ZBTB17: variants seen among roughly 807,000 people sequenced by gnomAD.
The protein encoded by ZBTB17 is zinc finger and BTB domain containing 17, also known as zinc finger and BTB domain-containing protein 17.
In ZBTB17, 24 loss-of-function variants were observed where a neutral mutation model predicts 85.1. The ratio of observed to expected loss-of-function variants is 0.28; its 90% CI spans 0.20 to 0.40. ZBTB17 has a LOEUF of 0.40. Ranked by LOEUF, ZBTB17 falls within the 10% of genes least tolerant of loss-of-function variation. ZBTB17 has a pLI of 1.00. For synonymous variants in ZBTB17, 464 were observed against 460.2 expected (o/e 1.01, Z -0.11); for missense variants, 743 against 1,105.1 (o/e 0.67, Z 4.65).
intron 4 of ZBTB17, among the ~76,000 whole-genome samples, chr1:15,946,679 CAGG>C (rs1455986157): frequency 6.6e-6 from 1 of 152,194 alleles, no homozygotes; most frequent in African/African-American, 2.4e-5. Context: ...AGGAGGGGCT[CAGG>C]AGAACAGACC....
rs995760760 is a variant in ZBTB17, at chr1:15,966,872, C to T, written c.-3+6167G>A. 4.0e-5 allele frequency among the ~76,000 whole-genome samples: 6 copies of T among 151,528 alleles called. No individual in the cohort carries two copies. Among genetic ancestry groups the T allele is most frequent in the Non-Finnish European group, 7.4e-5 (5 of 67,930 alleles). ...GCAGTGAGCTATAATCCCAGCACTG[C>T]ACTCCAACCTGGGCGAAAGAGCGAG... On this transcript the variant is annotated intron_variant, in intron 2 of 15. Transcript: ENST00000375743. This position sits in a 1 kb window ranked among gnomAD's most constrained non-coding sequence, Gnocchi z 4.1.
intron 12 of ZBTB17, 24 bp from the exon 13 acceptor site, chr1:15,943,218 C>T (rs1295761533): frequency 6.8e-6 from 11 of 1,613,940 alleles, no homozygotes; most frequent in South Asian, 1.1e-5. Flanking sequence ...GGAAGGGACT[C>T]GCATGGAACT....
chr1:15,945,003 C>G lies in ZBTB17; in HGVS notation c.861G>C (p.Leu287=). 6.3e-7 allele frequency: 1 copy of G among 1,594,456 alleles called. No individual in the cohort carries two copies. Among genetic ancestry groups the G allele is most frequent in the Non-Finnish European group, 8.5e-7 (1 of 1,172,786 alleles). Residue 287 remains leucine (L), a synonymous_variant, in exon 7 of 16, where the codon CTG becomes CTC. Coordinates refer to ENST00000375743, the MANE Select transcript of ZBTB17 (RefSeq NM_003443.3). ...TGCGGTCGCCGTAGGTGCCTGAGCG[C>G]AGGCCCCGGGCCTCGGAGCCGAGCT... ...GQELGSEARG[L]RSGTYGDRTE...
Position 15,943,537 on chromosome 1 carries a change from G to C in ZBTB17, c.1577-18C>G, listed in dbSNP as rs775685408. On this transcript the variant is annotated intron_variant, in intron 11 of 15. Coordinates refer to ENST00000375743, the MANE Select transcript of ZBTB17 (RefSeq NM_003443.3). ...CTTCTCACCTGGGGACCGGGCAGAAGGTGTTGGTGCCTGCTCCTCTCCGTG... is the reference window on the plus strand; with the variant it reads ...CTTCTCACCTGGGGACCGGGCAGAACGTGTTGGTGCCTGCTCCTCTCCGTG... 6.2e-7 allele frequency: 1 copy of C among 1,610,742 alleles called. No homozygotes were observed. Among genetic ancestry groups the C allele is most frequent in the Non-Finnish European group, 8.5e-7 (1 of 1,177,874 alleles).
At chr1:15,974,403 G>C (rs1004670103) in intron 1 of ZBTB17, among the ~76,000 whole-genome samples, 3 of 147,682 alleles carry the variant, frequency 2.0e-5, no homozygotes, top group African/African-American at 7.5e-5. Flanking sequence ...TCAAACTCCT[G>C]GGCTCAAATG....
chr1:15,946,217 G>C lies in ZBTB17; in HGVS notation c.472C>G (p.Pro158Ala), dbSNP rs2071604586. 1 of 1,613,452 alleles carries C rather than the reference G, an allele frequency of 6.2e-7. No homozygotes were observed. Among genetic ancestry groups the C allele is most frequent in the Non-Finnish European group, 8.5e-7 (1 of 1,180,022 alleles). The change falls in exon 5 of 16, where the codon CCC becomes GCC. Residue 158 changes from proline to alanine, a missense_variant. Physicochemically the swap from Pro to Ala is conservative, Grantham distance 27. Around this residue, in one of 4 missense-constraint regions of ZBTB17, gnomAD observed 279 missense variants for 269.9 expected, o/e 1.03. Coordinates refer to ENST00000375743, the MANE Select transcript of ZBTB17 (RefSeq NM_003443.3). The part of the protein sequence containing the change: ...SRLEQAGRST[P>A]IGPSRDLKEE... ...TTGAGGTCCCTGCTGGGGCCTATGG[G>C]TGTGCTGCGTCCTGCCTGCTCCAGC...
intron 2 of ZBTB17, among the ~76,000 whole-genome samples, chr1:15,949,498 C>T (rs1237611091): frequency 2.6e-5 from 4 of 152,240 alleles, no homozygotes; most frequent in Non-Finnish European, 4.4e-5. Flanking sequence ...CAACTGGGCA[C>T]GGCTGTCACG....
At position 15,943,793 on chromosome 1, in the gene ZBTB17, C is replaced by A. The variant is rs2071461127; in HGVS notation, c.1459+15G>T. 1 of 1,612,392 alleles carries A rather than the reference C, an allele frequency of 6.2e-7. No individual in the cohort carries two copies. The highest frequency in any genetic ancestry group is 8.5e-7 in the Non-Finnish European group (1 of 1,179,508). On this transcript the variant is annotated intron_variant, in intron 10 of 15. Transcript: ENST00000375743. ...AGCAGGGGTGTGAGGGCAGCCAGGG[C>A]AGCCCTGGCCCTACCTGAGGTGGTG...
rs763570957 is a variant in ZBTB17, at chr1:15,948,516, C to T, written c.-2-19G>A. On this transcript the variant is annotated intron_variant, in intron 2 of 15. Transcript: ENST00000375743. ...TCCATGGCTGAAGAAAGCCAAAGGGCGTTGGGGTTAGCACGGAGAAAGGAC... is the reference window on the plus strand; with the variant it reads ...TCCATGGCTGAAGAAAGCCAAAGGGTGTTGGGGTTAGCACGGAGAAAGGAC... 1.9e-5 allele frequency: 30 copies of T among 1,610,206 alleles called. No homozygotes were observed. The highest frequency in any genetic ancestry group is 6.7e-5 in the East Asian group (3 of 44,828).
At chr1:15,946,055 G>C (rs774040797) in intron 5 of ZBTB17, 99 bp downstream of exon 5, 12 of 1,583,856 alleles carry the variant, frequency 7.6e-6, no homozygotes, top group Non-Finnish European at 1.0e-5. Context: ...AGAGGTGCAG[G>C]TGCCCGTGCT....
chr1:15,961,383 CAA>C (rs2072252709), intron 2 of ZBTB17, among the ~76,000 whole-genome samples: 1 of 152,094 alleles, frequency 6.6e-6, no homozygotes, highest in African/African-American at 2.4e-5. Flanking sequence ...TTTCCTATTC[CAA>C]ATAGGATTAA....
At chr1:15,970,140 T>C (rs2072592817) in intron 2 of ZBTB17, 2 of 591,692 alleles carry the variant, frequency 3.4e-6, no homozygotes, top group East Asian at 6.1e-5. Flanking sequence ...GTACCTTTTG[T>C]CTTATCAATT....
At chr1:15,961,642 G>T (rs1329971243) in intron 2 of ZBTB17, among the ~76,000 whole-genome samples, 1 of 152,204 alleles carries the variant, frequency 6.6e-6, no homozygotes, top group Non-Finnish European at 1.5e-5. Flanking sequence ...AACAAACAGC[G>T]CTGCTGACCT....
intron 2 of ZBTB17, among the ~76,000 whole-genome samples, chr1:15,950,676 G>A (rs751505963): frequency 2.0e-5 from 3 of 152,178 alleles, no homozygotes; most frequent in East Asian, 1.9e-4. Flanking sequence ...GAGCCAACCC[G>A]AAACTTGAGC....
chr1:15,959,373 G>A (rs1245678643), intron 2 of ZBTB17, among the ~76,000 whole-genome samples: 1 of 152,112 alleles, frequency 6.6e-6, no homozygotes, highest in Non-Finnish European at 1.5e-5. Context: ...AAGTGGGGAA[G>A]GAGCTCAACT....
chr1:15,971,690 T>C (rs2072693552), intron 2 of ZBTB17, among the ~76,000 whole-genome samples: 1 of 150,616 alleles, frequency 6.6e-6, no homozygotes, highest in Non-Finnish European at 1.5e-5. Flanking sequence ...ACCCTGTGAA[T>C]TACCTGCCTG....
chr1:15,965,579 G>C (rs551401459), intron 2 of ZBTB17, among the ~76,000 whole-genome samples: 1 of 152,338 alleles, frequency 6.6e-6, no homozygotes, highest in South Asian at 2.1e-4. Flanking sequence ...TCCACTCCCA[G>C]CTGCAGTCCC....
chr1:15,953,619 C>G lies in ZBTB17; in HGVS notation c.-2-5122G>C, dbSNP rs2071943577. Among the ~76,000 whole-genome samples, 1 of 151,862 alleles carries G rather than the reference C, an allele frequency of 6.6e-6. No individual in the cohort carries two copies. Among genetic ancestry groups the G allele is most frequent in the African/African-American group, 2.4e-5 (1 of 41,310 alleles). On this transcript the variant is annotated intron_variant, in intron 2 of 15. Transcript: ENST00000375743. The surrounding 1 kb of genome is among the most constrained non-coding windows in gnomAD (Gnocchi z 5.1). Reference sequence around the variant, plus strand: ...GTTTCTGTTTGGGCCGTGAAATCCACTCTGGTGCCAAGTTCCATACTGCTG... The same window carrying G: ...GTTTCTGTTTGGGCCGTGAAATCCAGTCTGGTGCCAAGTTCCATACTGCTG...
rs115745460 is a variant in ZBTB17, at chr1:15,951,153, G to C, written c.-2-2656C>G. Among the ~76,000 whole-genome samples the C allele has an allele frequency of 6.6e-6, 1 of 152,196 alleles. No individual in the cohort carries two copies. Among genetic ancestry groups the C allele is most frequent in the Non-Finnish European group, 1.5e-5 (1 of 68,042 alleles). ...CCAGAAGTGGGCTCCTCCCACACAC[G>C]GGTGTTAGGAGGAGAAACAGAGGCG... On this transcript the variant is annotated intron_variant, in intron 2 of 15. Transcript: ENST00000375743. The surrounding 1 kb of genome is among the most constrained non-coding windows in gnomAD (Gnocchi z 4.1).
Sources: gnomAD v4.1 joint callset for allele counts (sites outside exome capture counted in the v4.1 genomes callset) on GRCh38, gnomAD v4.1.1 for gene constraint, gnomAD v4.1.1 regional missense constraint, Gnocchi (gnomAD v3.1) non-coding constraint, MANE v1.5 for transcripts, NCBI Gene and HGNC (gene_info 2026-07-23, HGNC 2026-07-21) for gene names.